The following THSD7A variants were observed in gnomAD, a reference collection of about 807,000 sequenced individuals.
THSD7A encodes thrombospondin type 1 domain containing 7A, also known as thrombospondin type-1 domain-containing protein 7A.
THSD7A carries 96 observed loss-of-function variants against 231.3 expected under a neutral mutation model. The observed-to-expected ratio is 0.41, with a 90% confidence interval of 0.35 to 0.49. The LOEUF (loss-of-function observed/expected upper bound fraction) is 0.49, where lower values mean the gene tolerates loss of function less well. Ranked by LOEUF, THSD7A falls within the 20% of genes least tolerant of loss-of-function variation. The probability of loss-of-function intolerance (pLI) is 0.05; values close to 1 mark genes in which losing one functional copy is unlikely to be tolerated. For missense variants in THSD7A, 2,290 were observed against 2,070.2 expected (o/e 1.11, Z -2.06); for synonymous variants, 940 against 743.3 (o/e 1.26, Z -4.30).
chr7:11,575,271 A>G (rs756984305), intron 4 of THSD7A, among the ~76,000 whole-genome samples: 3 of 152,172 alleles, frequency 2.0e-5, no homozygotes, highest in Non-Finnish European at 1.5e-5. Context: ...TTGCTTTTTT[A>G]AAGAGATGGC....
At chr7:11,706,386 A>T (rs999475079) in intron 1 of THSD7A, among the ~76,000 whole-genome samples, 4 of 150,926 alleles carry the variant, frequency 2.7e-5, no homozygotes, top group Admixed American at 6.6e-5. Context: ...AGTGGCAAAA[A>T]AACATGATGA....
chr7:11,650,833 G>GT (rs749677131), intron 1 of THSD7A, among the ~76,000 whole-genome samples: 9 of 149,474 alleles, frequency 6.0e-5, no homozygotes, highest in African/African-American at 1.7e-4. Context: ...GTTTTGTTTT[G>GT]TTTTTTTCTA....
intron 1 of THSD7A, among the ~76,000 whole-genome samples, chr7:11,745,114 G>C (rs1782242509): frequency 6.6e-6 from 1 of 151,996 alleles, no homozygotes; most frequent in South Asian, 2.1e-4. Flanking sequence ...GTTGTTTCCT[G>C]ACTTTTTAAT....
intron 1 of THSD7A, among the ~76,000 whole-genome samples, chr7:11,650,502 T>A (rs982257274): frequency 5.3e-5 from 8 of 152,050 alleles, no homozygotes; most frequent in African/African-American, 1.7e-4. Flanking sequence ...TCCACTTGCT[T>A]CTATTACCCA....
intron 16 of THSD7A, among the ~76,000 whole-genome samples, chr7:11,423,854 T>C (rs1784231983): frequency 6.6e-6 from 1 of 152,190 alleles, no homozygotes; most frequent in Admixed American, 6.5e-5. Flanking sequence ...CTAGAGCCCT[T>C]AAGGATCATG....
chr7:11,462,779 CA>C (rs147555551), intron 9 of THSD7A, among the ~76,000 whole-genome samples: 1,672 of 151,872 alleles, frequency 0.011, 33 homozygotes, highest in African/African-American at 0.038. Context: ...GTCAAAATAG[CA>C]ATAATTACTA....
intron 1 of THSD7A, among the ~76,000 whole-genome samples, chr7:11,645,669 A>G (rs145167448): frequency 4.6e-5 from 7 of 151,926 alleles, no homozygotes; most frequent in African/African-American, 1.7e-4. Flanking sequence ...TGTATTAAAT[A>G]CCACATCCCT....
At position 11,437,292 on chromosome 7, in the gene THSD7A, C is replaced by T. The variant is rs894169868; in HGVS notation, c.3065-8167G>A. On this transcript the variant is annotated intron_variant, in intron 13 of 27. Transcript: ENST00000423059. ...GAAAATCTCCAGCCCTTCTCTCCCT[C>T]ATCACCTCCTCTGTGCTCCCTCAGG... Among the ~76,000 whole-genome samples, 3 of 152,110 alleles carry T rather than the reference C, an allele frequency of 2.0e-5. No homozygotes were observed. The South Asian group carries it at 6.2e-4, about 31-fold the overall frequency.
At chr7:11,739,212 A>G (rs114542674) in intron 1 of THSD7A, among the ~76,000 whole-genome samples, 1 of 152,172 alleles carries the variant, frequency 6.6e-6, no homozygotes, top group African/African-American at 2.4e-5. Flanking sequence ...GAAGCAAGGA[A>G]ATTATAATGT....
At chr7:11,495,620 G>T (rs944070510) in intron 6 of THSD7A, among the ~76,000 whole-genome samples, 3 of 152,030 alleles carry the variant, frequency 2.0e-5, no homozygotes. Flanking sequence ...CTCTCTAGAA[G>T]CCATTACAAA....
intron 1 of THSD7A, among the ~76,000 whole-genome samples, chr7:11,753,796 G>A (rs1444705727): frequency 6.6e-6 from 1 of 151,952 alleles, no homozygotes; most frequent in Non-Finnish European, 1.5e-5. Flanking sequence ...GAGACAGAGA[G>A]AGAGAGAGAG....
intron 1 of THSD7A, among the ~76,000 whole-genome samples, chr7:11,690,647 T>C (rs757753533): frequency 6.6e-6 from 1 of 151,758 alleles, no homozygotes; most frequent in Non-Finnish European, 1.5e-5. Context: ...CTTGAGCCCT[T>C]TGGCGGGGAG....
At chr7:11,485,763 G>A (rs988868109) in intron 6 of THSD7A, among the ~76,000 whole-genome samples, 4 of 152,114 alleles carry the variant, frequency 2.6e-5, no homozygotes, top group African/African-American at 9.7e-5. Flanking sequence ...TCAAGAAACA[G>A]GCACTCTCAA....
chr7:11,714,898 G>T (rs113042030), intron 1 of THSD7A, among the ~76,000 whole-genome samples: 27 of 151,496 alleles, frequency 1.8e-4, no homozygotes, highest in African/African-American at 2.7e-4. Flanking sequence ...GCATGTCAAG[G>T]TTAGCTGAGT....
Position 11,816,988 on chromosome 7 carries a change from T to C in THSD7A, c.190+14769A>G, listed in dbSNP as rs1366476430. 3.9e-5 allele frequency among the ~76,000 whole-genome samples: 6 copies of C among 152,182 alleles called. No homozygotes were observed. The South Asian group carries it at 1.0e-3, about 26-fold the overall frequency. The stretch of plus-strand genomic sequence containing the variant: ...ATTATTATTGTGATTCTGTCAGAAG[T>C]TTACAAGTGCTACACAAATTTTAAA... On this transcript the variant is annotated intron_variant, in intron 1 of 27. Coordinates refer to ENST00000423059, the MANE Select transcript of THSD7A (RefSeq NM_015204.3).
chr7:11,811,943 A>C (rs995846839), intron 1 of THSD7A, among the ~76,000 whole-genome samples: 1 of 152,206 alleles, frequency 6.6e-6, no homozygotes, highest in African/African-American at 2.4e-5. Flanking sequence ...TATACTTGAA[A>C]AAGCTTTCCT....
At position 11,637,791 on chromosome 7, in the gene THSD7A, C is replaced by T. The variant is rs1781927406; in HGVS notation, c.191-830G>A. ...TTTAATATGAAATATGGGTTTTTTT[C>T]TGTGAAATCCTTCTTAGAATAAACT... On this transcript the variant is annotated intron_variant, in intron 1 of 27. Transcript: ENST00000423059. This position sits in a 1 kb window ranked among gnomAD's most constrained non-coding sequence, Gnocchi z 4.2. 2.0e-5 allele frequency among the ~76,000 whole-genome samples: 3 copies of T among 151,786 alleles called. No homozygotes were observed. The highest frequency in any genetic ancestry group is 4.1e-4 in the South Asian group (2 of 4,824).
At chr7:11,530,675 A>G (rs77014846) in intron 6 of THSD7A, among the ~76,000 whole-genome samples, 4,467 of 152,222 alleles carry the variant, frequency 0.029, 131 homozygotes, top group African/African-American at 0.058. Flanking sequence ...ACATTCTGCA[A>G]TTCCCAAATG....
intron 2 of THSD7A, among the ~76,000 whole-genome samples, chr7:11,600,897 A>T (rs558266364): frequency 1.3e-5 from 2 of 152,196 alleles, no homozygotes; most frequent in Non-Finnish European, 1.5e-5. Flanking sequence ...GGGTCTGGGA[A>T]GAAGATCATC....
Sources: gnomAD v4.1 joint callset for allele counts (sites outside exome capture counted in the v4.1 genomes callset) on GRCh38, gnomAD v4.1.1 for gene constraint, Gnocchi (gnomAD v3.1) non-coding constraint, MANE v1.5 for transcripts, NCBI Gene and HGNC (gene_info 2026-07-23, HGNC 2026-07-21) for gene names.